ZNRF3: variants seen among roughly 807,000 people sequenced by gnomAD.
The protein encoded by ZNRF3 is zinc and ring finger 3, also known as E3 ubiquitin-protein ligase ZNRF3.
ZNRF3 carries 23 observed loss-of-function variants against 72.5 expected under a neutral mutation model. That is an observed-to-expected ratio of 0.32 (90% CI 0.23 to 0.45). The LOEUF is 0.45. ZNRF3 is among the 20% of genes least tolerant of loss of function. ZNRF3 has a pLI of 1.00. For synonymous variants in ZNRF3, 610 were observed against 545.3 expected (o/e 1.12, Z -1.65); for missense variants, 1,169 against 1,272.1 (o/e 0.92, Z 1.23).
At chr22:29,043,114 C>T (rs981681369) in intron 3 of ZNRF3, among the ~76,000 whole-genome samples, 185 bp from the exon 4 acceptor site, 4 of 152,086 alleles carry the variant, frequency 2.6e-5, no homozygotes, top group Non-Finnish European at 4.4e-5. Context: ...TTCTGCTTGC[C>T]CAGTCCATCC....
rs183104472 is a variant in ZNRF3 at position 28,920,310 on chromosome 22, G to T, written c.300+36244G>T. Among the ~76,000 whole-genome samples the T allele has an allele frequency of 7.9e-3, 1,200 of 151,412 alleles. 16 individuals carry two copies. The highest frequency in any genetic ancestry group is 0.028 in the African/African-American group (1,159 of 41,154). ...TTTTGAGACAGAGTCTCGCTCTGTTGCCCAGGCTGTAGTGCAGTGGGGCAA... is the reference window on the plus strand; with the variant it reads ...TTTTGAGACAGAGTCTCGCTCTGTTTCCCAGGCTGTAGTGCAGTGGGGCAA... On this transcript the variant is annotated intron_variant, in intron 1 of 8. Transcript: ENST00000544604.
chr22:28,931,093 C>T (rs562873022), intron 1 of ZNRF3, among the ~76,000 whole-genome samples: 6 of 152,318 alleles, frequency 3.9e-5, no homozygotes, highest in East Asian at 1.9e-4. Flanking sequence ...AAGATTGTGC[C>T]ACCCTGGAGG....
At chr22:28,944,965 T>TAAATAAA (rs1569255761) in intron 1 of ZNRF3, among the ~76,000 whole-genome samples, 1 of 146,986 alleles carries the variant, frequency 6.8e-6, no homozygotes, top group Non-Finnish European at 1.5e-5. Context: ...AAATAAATAA[T>TAAATAAA]AATAATACTC....
chr22:29,055,808 T>TTTTTG lies in ZNRF3; in HGVS notation c.*2196_*2200dup, dbSNP rs59463566. On this transcript the variant is annotated 3_prime_UTR_variant, in exon 9 of 9. Coordinates refer to ENST00000544604, the MANE Select transcript of ZNRF3 (RefSeq NM_001206998.2). ...TTTTTGTTGTTGTTTCTGGGGGGTT[T>TTTTTG]TTTTGTTTTGTTTTTAATGCCTTTG... 0.56 allele frequency: 85,345 copies of TTTTTG among 151,294 alleles called. 24,477 individuals are homozygous for TTTTTG. Among genetic ancestry groups the TTTTTG allele is most frequent in the African/African-American group, 0.66 (27,084 of 41,212 alleles). The allele number at this position is 151,294 out of a possible 1,614,324, so 9.4% of individuals were successfully genotyped here.
chr22:28,983,174 G>A (rs192780199), intron 1 of ZNRF3, among the ~76,000 whole-genome samples: 121 of 152,254 alleles, frequency 7.9e-4, no homozygotes, highest in African/African-American at 2.7e-3. Context: ...CCTTGACGGG[G>A]CTGATGTGTT....
chr22:28,989,980 A>G (rs998433092), intron 2 of ZNRF3, among the ~76,000 whole-genome samples: 1 of 152,272 alleles, frequency 6.6e-6, no homozygotes, highest in African/African-American at 2.4e-5. Context: ...AAAGAACTCT[A>G]TAAACTCATG....
intron 1 of ZNRF3, among the ~76,000 whole-genome samples, chr22:28,886,045 T>C (rs1196746583): frequency 6.6e-6 from 1 of 152,166 alleles, no homozygotes; most frequent in Non-Finnish European, 1.5e-5. Context: ...GCTGCAGTAA[T>C]GTTGGTGAGT....
At chr22:28,997,020 C>G (rs1489686594) in intron 2 of ZNRF3, among the ~76,000 whole-genome samples, 1 of 152,242 alleles carries the variant, frequency 6.6e-6, no homozygotes, top group South Asian at 2.1e-4. Flanking sequence ...CCAAGTTCAG[C>G]TTAGCACTCC....
At chr22:29,016,598 G>A (rs2036442016) in intron 2 of ZNRF3, among the ~76,000 whole-genome samples, 1 of 152,236 alleles carries the variant, frequency 6.6e-6, no homozygotes, top group African/African-American at 2.4e-5. Flanking sequence ...GAAAACAGAA[G>A]TGTATTTGTT....
intron 1 of ZNRF3, among the ~76,000 whole-genome samples, chr22:28,974,355 G>T (rs1251521541): frequency 6.6e-6 from 1 of 152,126 alleles, no homozygotes; most frequent in Non-Finnish European, 1.5e-5. Flanking sequence ...ATGGGAAAAA[G>T]CCCTGGTTAG....
chr22:29,046,180 G>T (rs1373982459), intron 5 of ZNRF3, among the ~76,000 whole-genome samples: 1 of 152,172 alleles, frequency 6.6e-6, no homozygotes, highest in Non-Finnish European at 1.5e-5. Context: ...CCAAATGTAT[G>T]GCAGGGTCAT....
At chr22:29,038,026 CA>C (rs1013674408) in intron 2 of ZNRF3, among the ~76,000 whole-genome samples, 1 of 152,210 alleles carries the variant, frequency 6.6e-6, no homozygotes, top group African/African-American at 2.4e-5. Flanking sequence ...CCCAGTTTAC[CA>C]GTGACTTTCA....
At chr22:28,959,980 G>A (rs1321642430) in intron 1 of ZNRF3, among the ~76,000 whole-genome samples, 1 of 152,180 alleles carries the variant, frequency 6.6e-6, no homozygotes, top group African/African-American at 2.4e-5. Flanking sequence ...TGTTGTTTAA[G>A]CCTCCCAGTC....
In ZNRF3 at chr22:29,053,704, AT is replaced by A. The variant is rs2037250830; in HGVS notation, c.*89del. 8 of 1,435,922 alleles carry A rather than the reference AT, an allele frequency of 5.6e-6. No individual in the cohort carries two copies. Among genetic ancestry groups the A allele is most frequent in the Admixed American group, 4.4e-5 (2 of 45,492 alleles). The allele number at this position is 1,435,922 out of a possible 1,614,324, so 88.9% of individuals were successfully genotyped here. On this transcript the variant is annotated 3_prime_UTR_variant, in exon 9 of 9. Transcript: ENST00000544604. The stretch of plus-strand genomic sequence containing the variant: ...TTCTTTCAAAAAACAAAAACAAAAA[AT>A]TTTTTTAGCTTTGACAAACACACAA...
At chr22:29,001,059 CTTT>C (rs773296494) in intron 2 of ZNRF3, among the ~76,000 whole-genome samples, 2 of 77,894 alleles carry the variant, frequency 2.6e-5, no homozygotes, top group East Asian at 4.8e-4. Flanking sequence ...AAAGCTTTGC[CTTT>C]TTTTTTTTTT....
intron 1 of ZNRF3, among the ~76,000 whole-genome samples, chr22:28,985,549 T>C (rs2123826892): frequency 6.6e-6 from 1 of 152,336 alleles, no homozygotes; most frequent in East Asian, 1.9e-4. Flanking sequence ...AAACTTTTTT[T>C]CTAAGGATTT....
At chr22:28,995,357 C>T (rs1400166444) in intron 2 of ZNRF3, among the ~76,000 whole-genome samples, 1 of 152,060 alleles carries the variant, frequency 6.6e-6, no homozygotes, top group Non-Finnish European at 1.5e-5. Flanking sequence ...TGGCGTGAGC[C>T]CAGGAGCTTG....
chr22:28,983,064 T>A lies in ZNRF3; in HGVS notation c.301-4012T>A, dbSNP rs1005797155. On this transcript the variant is annotated intron_variant, in intron 1 of 8. Coordinates refer to ENST00000544604, the MANE Select transcript of ZNRF3 (RefSeq NM_001206998.2). ...CCTCTGAGATGTGATCTCAGTGGCT[T>A]CTTTACCCTCCACAAGAGGGTAAAG... Among the ~76,000 whole-genome samples, 9 of 152,252 alleles carry A rather than the reference T, an allele frequency of 5.9e-5. No individual in the cohort carries two copies. In the East Asian group the frequency reaches 1.7e-3, roughly 29 times the overall value.
chr22:29,013,791 T>C (rs2123854517), intron 2 of ZNRF3, among the ~76,000 whole-genome samples: 1 of 152,288 alleles, frequency 6.6e-6, no homozygotes, highest in Admixed American at 6.5e-5. Flanking sequence ...TTAGATTACT[T>C]GTATAGGCCA....
Sources: gnomAD v4.1 joint callset for allele counts (sites outside exome capture counted in the v4.1 genomes callset) on GRCh38, gnomAD v4.1.1 for gene constraint, MANE v1.5 for transcripts, NCBI Gene and HGNC (gene_info 2026-07-23, HGNC 2026-07-21) for gene names.